Variants in CNTN5 observed in about 807,000 individuals in gnomAD.
The protein encoded by CNTN5 is contactin 5.
Under a neutral mutation model 129.1 loss-of-function variants are expected in CNTN5, and 77 were observed. That is an observed-to-expected ratio of 0.60 (90% CI 0.50 to 0.72). The LOEUF is 0.72. Ranked by LOEUF, CNTN5 falls within the 30% of genes least tolerant of loss-of-function variation. CNTN5 has a pLI of 0.00. For missense variants in CNTN5, 1,478 were observed against 1,328.8 expected, an observed-to-expected ratio of 1.11 and a Z score of -1.75; for synonymous variants, 509 against 465.6, an observed-to-expected ratio of 1.09 and a Z score of -1.20.
At chr11:100,355,164 A>G (rs1339448679) in intron 24 of CNTN5, among the ~76,000 whole-genome samples, 2 of 151,784 alleles carry the variant, frequency 1.3e-5, no homozygotes, top group Non-Finnish European at 1.5e-5. Context: ...CATTTTCTTT[A>G]TATCTGTATT....
chr11:100,233,088 G>T (rs1372973550), intron 16 of CNTN5, among the ~76,000 whole-genome samples: 1 of 152,150 alleles, frequency 6.6e-6, no homozygotes, highest in Non-Finnish European at 1.5e-5. Context: ...GAAGAATAGT[G>T]AGTAGACTCC....
intron 1 of CNTN5, among the ~76,000 whole-genome samples, chr11:99,067,778 CATTT>C (rs1410353499): frequency 6.6e-6 from 1 of 152,090 alleles, no homozygotes; most frequent in Non-Finnish European, 1.5e-5. Context: ...TTCTATGACT[CATTT>C]ATTAATTTAT....
At chr11:99,776,012 A>G (rs765668950) in intron 3 of CNTN5, among the ~76,000 whole-genome samples, 7 of 152,024 alleles carry the variant, frequency 4.6e-5, no homozygotes, top group Non-Finnish European at 8.8e-5. Context: ...CATAGAATTT[A>G]TATTTGTATT....
intron 1 of CNTN5, among the ~76,000 whole-genome samples, chr11:99,108,046 T>C (rs558771711): frequency 1.3e-5 from 2 of 152,116 alleles, no homozygotes; most frequent in East Asian, 3.9e-4. Flanking sequence ...TTGATGTGTG[T>C]ATTCCTTTTT....
intron 21 of CNTN5, chr11:100,309,309 C>A (rs1446800454): frequency 2.0e-6 from 2 of 983,710 alleles, no homozygotes; most frequent in Non-Finnish European, 2.4e-6. Context: ...TGTATACTAA[C>A]ATGGTTTCCA....
chr11:99,785,294 A>C (rs1381680968), intron 3 of CNTN5, among the ~76,000 whole-genome samples: 1 of 151,774 alleles, frequency 6.6e-6, no homozygotes, highest in Non-Finnish European at 1.5e-5. Context: ...TAGATTATGG[A>C]TATTAGCCCT....
intron 18 of CNTN5, among the ~76,000 whole-genome samples, chr11:100,297,384 T>C (rs539492557): frequency 3.3e-5 from 5 of 151,408 alleles, no homozygotes; most frequent in Admixed American, 6.6e-5. Context: ...AATTATTATT[T>C]AGAAATCACT....
intron 21 of CNTN5, among the ~76,000 whole-genome samples, chr11:100,326,747 T>C (rs757660588): frequency 6.6e-6 from 1 of 152,134 alleles, no homozygotes; most frequent in African/African-American, 2.4e-5. Flanking sequence ...AAAATTAAAA[T>C]GATGTGAGAG....
intron 2 of CNTN5, among the ~76,000 whole-genome samples, chr11:99,496,548 G>A (rs1050511977): frequency 6.6e-6 from 1 of 152,118 alleles, no homozygotes; most frequent in Non-Finnish European, 1.5e-5. Flanking sequence ...AAGTATATGG[G>A]AACAGCAAAT....
intron 6 of CNTN5, among the ~76,000 whole-genome samples, chr11:99,874,661 A>G (rs1948588786): frequency 6.6e-6 from 1 of 152,160 alleles, no homozygotes; most frequent in Admixed American, 6.5e-5. Flanking sequence ...CTATTAAACT[A>G]CCTAATGGTA....
intron 1 of CNTN5, among the ~76,000 whole-genome samples, chr11:99,304,510 T>C (rs1221128847): frequency 1.3e-5 from 2 of 152,186 alleles, no homozygotes; most frequent in African/African-American, 4.8e-5. Context: ...TTCTCCCTCC[T>C]CTGTATTCTG....
At chr11:99,718,923 TC>T (rs1481876133) in intron 3 of CNTN5, among the ~76,000 whole-genome samples, 2 of 152,088 alleles carry the variant, frequency 1.3e-5, no homozygotes, top group African/African-American at 4.8e-5. Flanking sequence ...TGAGCATTAT[TC>T]TCCTCAAGGA....
At chr11:99,561,652 G>A (rs368758465) in intron 3 of CNTN5, among the ~76,000 whole-genome samples, 6 of 5,444 alleles carry the variant, frequency 1.1e-3, no homozygotes, top group Admixed American at 2.4e-3. Context: ...AAGTCATGTT[G>A]ATGATATTAC....
intron 3 of CNTN5, among the ~76,000 whole-genome samples, chr11:99,748,395 T>TGA (rs1179509708): frequency 6.7e-6 from 1 of 149,310 alleles, no homozygotes; most frequent in Non-Finnish European, 1.5e-5. Flanking sequence ...TATTAGTCAG[T>TGA]CTCCAGCAGA....
intron 1 of CNTN5, among the ~76,000 whole-genome samples, chr11:99,269,466 C>A (rs1054551459): frequency 1.3e-5 from 2 of 151,730 alleles, no homozygotes; most frequent in African/African-American, 2.4e-5. Flanking sequence ...TAACACTGAA[C>A]TGCATATAGA....
intron 1 of CNTN5, among the ~76,000 whole-genome samples, chr11:99,138,679 C>T (rs1189687663): frequency 1.3e-5 from 2 of 152,116 alleles, no homozygotes; most frequent in Admixed American, 1.3e-4. Flanking sequence ...CTTTTACCTA[C>T]CTCATTAGTT....
At chr11:99,783,754 G>A (rs1945403466) in intron 3 of CNTN5, among the ~76,000 whole-genome samples, 2 of 150,150 alleles carry the variant, frequency 1.3e-5, no homozygotes, top group Admixed American at 1.3e-4. Context: ...CTCACTCATA[G>A]GTGGGAATTG....
chr11:100,293,559 G>A (rs1951040979), intron 18 of CNTN5, among the ~76,000 whole-genome samples: 1 of 151,738 alleles, frequency 6.6e-6, no homozygotes, highest in Non-Finnish European at 1.5e-5. Flanking sequence ...ATAATATTAA[G>A]TAATATTTAT....
intron 3 of CNTN5, among the ~76,000 whole-genome samples, chr11:99,755,084 G>C (rs1298953484): frequency 1.3e-5 from 2 of 151,896 alleles, no homozygotes; most frequent in Non-Finnish European, 2.9e-5. Context: ...CTCATTTCTT[G>C]TTAGCAATGA....
Sources: gnomAD v4.1 joint callset for allele counts (sites outside exome capture counted in the v4.1 genomes callset) on GRCh38, gnomAD v4.1.1 for gene constraint, MANE v1.5 for transcripts, NCBI Gene and HGNC (gene_info 2026-07-23, HGNC 2026-07-21) for gene names.